The following STIM1 variants were observed in gnomAD, a reference collection of about 807,000 sequenced individuals.
The protein encoded by STIM1 is stromal interaction molecule 1.
Under a neutral mutation model 74.7 loss-of-function variants are expected in STIM1, and 25 were observed. That is an observed-to-expected ratio of 0.33 (90% CI 0.24 to 0.47). The LOEUF (loss-of-function observed/expected upper bound fraction) is 0.47. Ranked by LOEUF, STIM1 falls within the 20% of genes least tolerant of loss-of-function variation. The pLI is 1.00. For synonymous variants in STIM1, 328 were observed against 348.8 expected (o/e 0.94, Z 0.66); for missense variants, 728 against 920.8 (o/e 0.79, Z 2.71).
chr11:4,063,121 G>A (rs1214414147), intron 5 of STIM1, among the ~76,000 whole-genome samples: 1 of 152,114 alleles, frequency 6.6e-6, no homozygotes, highest in Admixed American at 6.6e-5. Context: ...GGGGGCAGTG[G>A]GAAATAGGAA....
At chr11:4,038,701 CAG>C (rs1229075420) in intron 3 of STIM1, among the ~76,000 whole-genome samples, 4 of 152,150 alleles carry the variant, frequency 2.6e-5, no homozygotes, top group African/African-American at 9.7e-5. Context: ...TACCCTGAAA[CAG>C]AAGTGTCAGC....
At chr11:3,977,362 C>G (rs2135781789) in intron 2 of STIM1, among the ~76,000 whole-genome samples, 1 of 152,286 alleles carries the variant, frequency 6.6e-6, no homozygotes, top group Admixed American at 6.5e-5. Context: ...GCTACAAGAT[C>G]TACTTATGAC....
At chr11:3,895,803 C>CCTTTT (rs2092133216) in intron 1 of STIM1, among the ~76,000 whole-genome samples, 1 of 44,518 alleles carries the variant, frequency 2.2e-5, no homozygotes, top group South Asian at 7.0e-4. Context: ...TTCCTTCCTT[C>CCTTTT]CTTTCTTTCC....
chr11:3,863,197 C>A (rs1345002680), intron 1 of STIM1, among the ~76,000 whole-genome samples: 1 of 150,824 alleles, frequency 6.6e-6, no homozygotes, highest in Non-Finnish European at 1.5e-5. Context: ...CCTGGCCACA[C>A]ACGTATATAT....
chr11:4,057,645 T>G (rs569732139), intron 4 of STIM1, among the ~76,000 whole-genome samples: 1 of 152,112 alleles, frequency 6.6e-6, no homozygotes, highest in African/African-American at 2.4e-5. Flanking sequence ...CCAAGGTGGG[T>G]GGATCACGAG....
intron 1 of STIM1, among the ~76,000 whole-genome samples, chr11:3,943,800 A>G (rs1229311219): frequency 2.0e-5 from 3 of 152,246 alleles, no homozygotes; most frequent in Non-Finnish European, 4.4e-5. Flanking sequence ...ATACTAAGGA[A>G]CAAAGACAAC....
intron 2 of STIM1, among the ~76,000 whole-genome samples, chr11:4,005,963 T>G (rs1417147243): frequency 6.6e-6 from 1 of 152,150 alleles, no homozygotes; most frequent in African/African-American, 2.4e-5. Flanking sequence ...TGCTAGATGT[T>G]CAAGAGGTAA....
intron 3 of STIM1, among the ~76,000 whole-genome samples, chr11:4,047,853 C>T (rs1285926740): frequency 6.8e-6 from 1 of 147,536 alleles, no homozygotes; most frequent in African/African-American, 2.5e-5. Flanking sequence ...GAGTCTCACT[C>T]TGTCACCCAG....
intron 1 of STIM1, chr11:3,868,307 A>G (rs934921407): frequency 2.0e-5 from 3 of 152,260 alleles, no homozygotes; most frequent in Admixed American, 6.5e-5. Flanking sequence ...CTATTTATTG[A>G]GCACCTTTGT....
At chr11:4,068,020 A>G (rs2094379592) in intron 5 of STIM1, among the ~76,000 whole-genome samples, 1 of 152,300 alleles carries the variant, frequency 6.6e-6, no homozygotes, top group African/African-American at 2.4e-5. Flanking sequence ...GACTTTATCT[A>G]TACATTTGAC....
rs569303394 is a variant in STIM1 at position 4,067,542 on chromosome 11, C to T, written c.614-2484C>T. ...TGTAACAAAACAGAAACAATATTTGCTGCGTGAATATGAAAGCTGTAGTGA... is the reference window on the plus strand; with the variant it reads ...TGTAACAAAACAGAAACAATATTTGTTGCGTGAATATGAAAGCTGTAGTGA... On this transcript the variant is annotated intron_variant, in intron 5 of 12. Transcript: ENST00000526596. Among the ~76,000 whole-genome samples, 112 of 152,252 alleles carry T rather than the reference C, an allele frequency of 7.4e-4. 1 individual carries two copies. The highest frequency in any genetic ancestry group is 2.6e-3 in the African/African-American group (110 of 41,540).
At chr11:3,906,710 C>T (rs2092471149) in intron 1 of STIM1, among the ~76,000 whole-genome samples, 2 of 152,106 alleles carry the variant, frequency 1.3e-5, no homozygotes. Context: ...CTATAAGCTC[C>T]ATGAGGATAG....
intron 1 of STIM1, among the ~76,000 whole-genome samples, chr11:3,894,261 T>C (rs181878709): frequency 6.6e-6 from 1 of 152,314 alleles, no homozygotes. Context: ...TTTGTTGTTT[T>C]TGGCTTACAT....
In STIM1 at chr11:3,856,188, C is replaced by T. The variant is rs543763201; in HGVS notation, c.-83C>T. ...CGAGGGCATCTTGCCTGGAGACCGT[C>T]GGCTGCACTCCCGGGCTCCTGGCTT... On this transcript the variant is annotated 5_prime_UTR_variant, in exon 1 of 13. Coordinates refer to ENST00000526596, the MANE Select transcript of STIM1 (RefSeq NM_001382567.1). 1.9e-6 allele frequency: 3 copies of T among 1,583,236 alleles called. No individual in the cohort carries two copies. The Admixed American group carries it at 5.0e-5, about 26-fold the overall frequency.
At chr11:3,914,411 A>G (rs1047378903) in intron 1 of STIM1, among the ~76,000 whole-genome samples, 1 of 152,052 alleles carries the variant, frequency 6.6e-6, no homozygotes, top group African/African-American at 2.4e-5. Flanking sequence ...TGGACATGCT[A>G]GTTACATGTA....
chr11:4,035,260 T>C (rs1351821941), intron 3 of STIM1, among the ~76,000 whole-genome samples: 5 of 147,408 alleles, frequency 3.4e-5, no homozygotes, highest in Non-Finnish European at 7.5e-5. Context: ...AATTCTGGTG[T>C]ATTGTGTTTT....
chr11:3,952,461 A>T (rs1172094504), intron 1 of STIM1, among the ~76,000 whole-genome samples: 2 of 152,182 alleles, frequency 1.3e-5, no homozygotes, highest in Admixed American at 1.3e-4. Context: ...TGATGGATGA[A>T]CAACTAACAT....
chr11:3,922,780 A>C (rs181034687), intron 1 of STIM1: 1 of 153,636 alleles, frequency 6.5e-6, no homozygotes, highest in East Asian at 1.9e-4. Flanking sequence ...TAAAGAAAAA[A>C]AAAATGAGTA....
At chr11:3,866,465 T>G (rs1271845103) in intron 1 of STIM1, among the ~76,000 whole-genome samples, 1 of 150,852 alleles carries the variant, frequency 6.6e-6, no homozygotes, top group Non-Finnish European at 1.5e-5. Flanking sequence ...TCTTGCTCTG[T>G]CCCCTGGCTG....
Sources: gnomAD v4.1 joint callset for allele counts (sites outside exome capture counted in the v4.1 genomes callset) on GRCh38, gnomAD v4.1.1 for gene constraint, MANE v1.5 for transcripts, NCBI Gene and HGNC (gene_info 2026-07-23, HGNC 2026-07-21) for gene names.